Variants in TRAPPC9 observed in about 807,000 individuals in gnomAD.
The protein encoded by TRAPPC9 is IKK2 binding protein.
In TRAPPC9, 83 loss-of-function variants were observed where a neutral mutation model predicts 124.0. The observed-to-expected ratio is 0.67, with a 90% CI of 0.56 to 0.80. TRAPPC9 has a LOEUF of 0.80. TRAPPC9 is among the 30% of genes least tolerant of loss of function. The pLI is 0.00. For synonymous variants in TRAPPC9, 638 were observed against 617.5 expected, an observed-to-expected ratio of 1.03 and a Z score of -0.49; for missense variants, 1,302 against 1,508.3, an observed-to-expected ratio of 0.86 and a Z score of 2.27.
intron 3 of TRAPPC9, among the ~76,000 whole-genome samples, chr8:140,438,129 A>G (rs948035522): frequency 5.9e-5 from 9 of 152,288 alleles, no homozygotes; most frequent in African/African-American, 2.2e-4. Flanking sequence ...TCACCCCAGA[A>G]AGAAACCTTA....
rs547148583 is a variant in TRAPPC9, at chr8:140,161,767, G to A, written c.2556+59692C>T. Among the ~76,000 whole-genome samples the A allele has an allele frequency of 3.9e-5, 6 of 152,180 alleles. No individual in the cohort carries two copies. In the South Asian group the frequency reaches 1.2e-3, roughly 32 times the overall value. ...AGGGCCACAAGAGAGGCACGGCAATGGCTCAGCAACTAGATTTGGGCAATG... is the reference window on the plus strand; with the variant it reads ...AGGGCCACAAGAGAGGCACGGCAATAGCTCAGCAACTAGATTTGGGCAATG... On this transcript the variant is annotated intron_variant, in intron 17 of 22. Coordinates refer to ENST00000438773, the MANE Select transcript of TRAPPC9 (RefSeq NM_001160372.4).
chr8:139,744,222 C>T (rs765534967), intron 21 of TRAPPC9, among the ~76,000 whole-genome samples: 2 of 152,196 alleles, frequency 1.3e-5, no homozygotes, highest in Non-Finnish European at 2.9e-5. Context: ...GGAAAAGAAG[C>T]GAGAAGCGTG....
At chr8:140,001,239 CA>C (rs1342354068) in intron 18 of TRAPPC9, among the ~76,000 whole-genome samples, 1 of 151,894 alleles carries the variant, frequency 6.6e-6, no homozygotes, top group Non-Finnish European at 1.5e-5. Flanking sequence ...TCACGCACAC[CA>C]GGGGGGTGAG....
At chr8:139,906,767 CCT>C (rs997338846) in intron 20 of TRAPPC9, among the ~76,000 whole-genome samples, 9 of 152,162 alleles carry the variant, frequency 5.9e-5, no homozygotes, top group African/African-American at 2.2e-4. Context: ...CCTCACGGTC[CCT>C]GACTTAGAGC....
intron 20 of TRAPPC9, among the ~76,000 whole-genome samples, chr8:139,896,830 G>C (rs1304127535): frequency 6.6e-6 from 1 of 152,198 alleles, no homozygotes; most frequent in African/African-American, 2.4e-5. Context: ...CCAGCACAGA[G>C]CTCTCCATGG....
chr8:140,137,499 T>C (rs2061323635), intron 17 of TRAPPC9, among the ~76,000 whole-genome samples: 1 of 152,190 alleles, frequency 6.6e-6, no homozygotes. Flanking sequence ...GGCGAGCACG[T>C]CCTGGGTGCC....
chr8:140,405,440 T>C, intron 6 of TRAPPC9, 137 bp downstream of exon 6: 1 of 890,134 alleles, frequency 1.1e-6, no homozygotes. Context: ...CATATAGTAC[T>C]ATGCATTAGA....
At chr8:140,311,485 C>G (rs1293005613) in intron 9 of TRAPPC9, 111 bp from the exon 10 acceptor site, 7 of 1,349,060 alleles carry the variant, frequency 5.2e-6, no homozygotes, top group Non-Finnish European at 7.3e-6. Flanking sequence ...AATCTTCTGA[C>G]AGAAATGAAG....
chr8:140,452,531 A>G (rs1451618064), intron 1 of TRAPPC9, among the ~76,000 whole-genome samples: 1 of 152,182 alleles, frequency 6.6e-6, no homozygotes, highest in Non-Finnish European at 1.5e-5. Context: ...CCTAACATAA[A>G]AGGAGAGATT....
Position 140,311,293 on chromosome 8 carries a change from C to A in TRAPPC9, c.1577G>T (p.Gly526Val), listed in dbSNP as rs1472364105. ...GAAGGGCACCGGTGGCAGGGTGAGG[C>A]CGCCAGGGAGGGCGATGGGCTCCAT... ...GTMEPIALPGGLTLPPVPFTK... is the reference protein window; with the variant it reads ...GTMEPIALPGVLTLPPVPFTK... Residue 526 changes from glycine to valine, a missense_variant, in exon 10 of 23, where the codon GGC becomes GTC. Physicochemically the swap from Gly to Val is moderately radical, Grantham distance 109. Around this residue, in one of 3 missense-constraint regions of TRAPPC9, gnomAD observed 657 missense variants for 811.2 expected, o/e 0.81. Coordinates refer to ENST00000438773, the MANE Select transcript of TRAPPC9 (RefSeq NM_001160372.4). 6.2e-7 allele frequency: 1 copy of A among 1,613,382 alleles called. No homozygotes were observed. Among genetic ancestry groups the A allele is most frequent in the Non-Finnish European group, 8.5e-7 (1 of 1,180,016 alleles).
intron 10 of TRAPPC9, among the ~76,000 whole-genome samples, chr8:140,306,066 A>G (rs2066121548): frequency 6.6e-6 from 1 of 152,240 alleles, no homozygotes; most frequent in Non-Finnish European, 1.5e-5. Context: ...CGTACACATC[A>G]GTATCCCTCA....
At chr8:139,906,018 C>T (rs187692565) in intron 20 of TRAPPC9, among the ~76,000 whole-genome samples, 4 of 151,916 alleles carry the variant, frequency 2.6e-5, no homozygotes, top group Admixed American at 2.0e-4. Flanking sequence ...CTCTGGAACC[C>T]GGGAGGCGGA....
At position 139,734,998 on chromosome 8, in the gene TRAPPC9, G is replaced by A. The variant is rs139943558; in HGVS notation, c.3056-2796C>T. On this transcript the variant is annotated intron_variant, in intron 21 of 22. Transcript: ENST00000438773. ...ACCTGCACTGAGTCTGACCAGGCTG[G>A]GATAAACCTGGGGGTCCTGAGGCCC... 1.7e-3 allele frequency among the ~76,000 whole-genome samples: 265 copies of A among 152,354 alleles called. 2 individuals are homozygous for A. The highest frequency in any genetic ancestry group is 5.9e-3 in the African/African-American group (247 of 41,580).
chr8:139,795,514 T>C (rs141540229), intron 21 of TRAPPC9, among the ~76,000 whole-genome samples: 1,767 of 125,638 alleles, frequency 0.014, 10 homozygotes, highest in African/African-American at 0.017. Flanking sequence ...GCTTAATTGC[T>C]AGGCAATGCA....
chr8:140,004,264 G>A (rs573737186), intron 18 of TRAPPC9, among the ~76,000 whole-genome samples: 2 of 152,280 alleles, frequency 1.3e-5, no homozygotes, highest in South Asian at 4.1e-4. Context: ...TATCCTGACT[G>A]TGATGGATAC....
chr8:140,028,259 A>G (rs1407609435), intron 17 of TRAPPC9, among the ~76,000 whole-genome samples: 3 of 152,224 alleles, frequency 2.0e-5, no homozygotes, highest in African/African-American at 7.2e-5. Context: ...AGATGTTCCC[A>G]TCTGAGAGCA....
chr8:140,279,285 T>G (rs1362711753), intron 14 of TRAPPC9, among the ~76,000 whole-genome samples: 1 of 152,220 alleles, frequency 6.6e-6, no homozygotes, highest in African/African-American at 2.4e-5. Context: ...GAGGGCATTT[T>G]TTATTCATTG....
chr8:140,128,376 CAG>C (rs2061136677), intron 17 of TRAPPC9, among the ~76,000 whole-genome samples: 1 of 152,252 alleles, frequency 6.6e-6, no homozygotes, highest in South Asian at 2.1e-4. Flanking sequence ...CTGGTGCTCA[CAG>C]AGAGACCACA....
intron 21 of TRAPPC9, among the ~76,000 whole-genome samples, chr8:139,771,538 A>G (rs572546791): frequency 1.3e-5 from 2 of 152,296 alleles, no homozygotes; most frequent in African/African-American, 4.8e-5. Context: ...TGAAATAAAA[A>G]ACATGCAGGA....
Sources: gnomAD v4.1 joint callset for allele counts (sites outside exome capture counted in the v4.1 genomes callset) on GRCh38, gnomAD v4.1.1 for gene constraint, gnomAD v4.1.1 regional missense constraint, MANE v1.5 for transcripts, NCBI Gene and HGNC (gene_info 2026-07-23, HGNC 2026-07-21) for gene names.